Variants in EXOSC7 observed in about 807,000 individuals in gnomAD.
EXOSC7 encodes exosome component 7, also known as exosome complex component RRP42.
EXOSC7 carries 25 observed loss-of-function variants against 34.3 expected under a neutral mutation model. The observed-to-expected ratio is 0.73, with a 90% CI of 0.53 to 1.02. The LOEUF (loss-of-function observed/expected upper bound fraction) is 1.02, where lower values mean the gene tolerates loss of function less well. EXOSC7 is among the 50% of genes least tolerant of loss of function. The probability of loss-of-function intolerance (pLI) is 0.00; values close to 1 mark genes in which losing one functional copy is unlikely to be tolerated. For synonymous variants in EXOSC7, 130 were observed against 143.0 expected (o/e 0.91, Z 0.65); for missense variants, 370 against 368.5 (o/e 1.00, Z -0.03).
chr3:45,007,365 G>T, intron 6 of EXOSC7, 55 bp from the exon 7 acceptor site: 1 of 1,601,748 alleles, frequency 6.2e-7, no homozygotes, highest in Non-Finnish European at 8.5e-7. Flanking sequence ...GCCATCAGGG[G>T]TGGGACTCTG....
chr3:44,978,506 A>G (rs1706184902), intron 1 of EXOSC7, among the ~76,000 whole-genome samples: 2 of 152,208 alleles, frequency 1.3e-5, no homozygotes, highest in South Asian at 2.1e-4. Flanking sequence ...TCATGCTAGA[A>G]GGAAGATGCA....
intron 5 of EXOSC7, chr3:45,004,416 C>T (rs554886685): frequency 6.6e-6 from 1 of 152,140 alleles, no homozygotes; most frequent in African/African-American, 2.4e-5. Context: ...CCACCACACC[C>T]AGCTAATTTT....
In EXOSC7 at chr3:44,997,129, T is replaced by A; in HGVS notation, c.297T>A (p.Asp99Glu). Reference sequence around the variant, plus strand: ...CTGAATTTGAAGGTAGAGGAGGTGATGACCTTGGCACCGAGATCGCTAACA... The same window carrying A: ...CTGAATTTGAAGGTAGAGGAGGTGAAGACCTTGGCACCGAGATCGCTAACA... ...ATPEFEGRGG[D>E]DLGTEIANTL... Residue 99 changes from aspartate to glutamate, a missense_variant, in exon 4 of 8, where the codon GAT (aspartate) becomes GAA (glutamate). Asp to Glu is a conservative substitution (Grantham distance 45). This residue lies in a region of EXOSC7 where 255 missense variants were observed against 246.4 expected (regional missense o/e 1.03). Transcript: ENST00000265564. 3 of 1,614,170 alleles carry A rather than the reference T, an allele frequency of 1.9e-6. No homozygotes were observed. The highest frequency in any genetic ancestry group is 2.5e-6 in the Non-Finnish European group (3 of 1,180,026).
chr3:44,999,299 C>G (rs1706811434), intron 4 of EXOSC7, among the ~76,000 whole-genome samples: 1 of 152,168 alleles, frequency 6.6e-6, no homozygotes, highest in Non-Finnish European at 1.5e-5. Flanking sequence ...CATCTGTAGA[C>G]CTTTCTTTTT....
chr3:44,987,576 C>T (rs1238307766), intron 1 of EXOSC7, among the ~76,000 whole-genome samples: 1 of 152,170 alleles, frequency 6.6e-6, no homozygotes, highest in African/African-American at 2.4e-5. Flanking sequence ...AAAAAAGTTA[C>T]AAGTTACAAA....
Position 44,997,143 on chromosome 3 carries a change from A to G in EXOSC7, c.311A>G (p.Glu104Gly), listed in dbSNP as rs770413526. ...AGAGGAGGTGATGACCTTGGCACCG[A>G]GATCGCTAACACCCTCTATCGGATA... ...EGRGGDDLGT[E>G]IANTLYRIFN... is the part of the protein sequence containing the mutation. The change falls in exon 4 of 8, where the codon GAG becomes GGG. Residue 104 changes from glutamate (E) to glycine (G), a missense_variant. Glu to Gly is a moderately conservative substitution (Grantham distance 98). Around this residue, in one of 3 missense-constraint regions of EXOSC7, gnomAD observed 255 missense variants for 246.4 expected, o/e 1.03. Transcript: ENST00000265564. 1.9e-6 allele frequency: 3 copies of G among 1,613,822 alleles called. No individual in the cohort carries two copies. The highest frequency in any genetic ancestry group is 2.5e-6 in the Non-Finnish European group (3 of 1,179,912).
intron 4 of EXOSC7, among the ~76,000 whole-genome samples, chr3:44,998,913 G>C (rs1706800505): frequency 6.6e-6 from 1 of 152,182 alleles, no homozygotes; most frequent in Non-Finnish European, 1.5e-5. Flanking sequence ...TGCCCAGGGA[G>C]GTGCAGCCCC....
Position 44,989,613 on chromosome 3 carries a change from A to C in EXOSC7, c.223A>C (p.Asn75His). ...EMGTPKLEKP[N>H]EGYLEFFVDC... The stretch of plus-strand genomic sequence containing the variant: ...GGGGACGCCGAAGCTGGAGAAACCA[A>C]ATGAAGGCTACTTGGAGTTCTTTGT... The change falls in exon 3 of 8, where the codon AAT (asparagine) becomes CAT (histidine). Residue 75 changes from asparagine (N) to histidine (H), a missense_variant. This residue lies in a region of EXOSC7 where 20 missense variants were observed against 42.2 expected (regional missense o/e 0.47). Transcript: ENST00000265564. 1 of 1,614,012 alleles carries C rather than the reference A, an allele frequency of 6.2e-7. No individual in the cohort carries two copies. Among genetic ancestry groups the C allele is most frequent in the Non-Finnish European group, 8.5e-7 (1 of 1,179,904 alleles).
intron 4 of EXOSC7, 34 bp downstream of exon 4, chr3:44,997,286 A>G (rs776205307): frequency 3.2e-6 from 5 of 1,569,514 alleles, no homozygotes; most frequent in South Asian, 1.2e-5. Context: ...GCCACATTCT[A>G]CCTTTGTTGG....
At chr3:45,003,331 G>A (rs532583289) in intron 5 of EXOSC7, among the ~76,000 whole-genome samples, 31 of 41,664 alleles carry the variant, frequency 7.4e-4, no homozygotes, top group Middle Eastern at 0.011. Context: ...GATACTGTGC[G>A]TGCGTGCGTG....
intron 1 of EXOSC7, 54 bp from the exon 2 acceptor site, chr3:44,989,086 T>C (rs1706497344): frequency 8.9e-6 from 11 of 1,239,236 alleles, no homozygotes; most frequent in Admixed American, 1.7e-5. Context: ...TGAGTCCGTT[T>C]AGGAGTTATT....
chr3:44,992,742 G>A (rs1241196452), intron 3 of EXOSC7, among the ~76,000 whole-genome samples: 1 of 152,198 alleles, frequency 6.6e-6, no homozygotes, highest in Non-Finnish European at 1.5e-5. Flanking sequence ...AGATTTTAGT[G>A]AGCTGGTGTG....
At chr3:45,012,538 C>T (rs1697314956), downstream of EXOSC7, 1 of 152,254 alleles carries the variant, frequency 6.6e-6, no homozygotes, top group East Asian at 1.9e-4. Flanking sequence ...GTGTTCCCAA[C>T]AAGGCAGAAA....
intron 7 of EXOSC7, among the ~76,000 whole-genome samples, chr3:45,007,878 A>G (rs1450470239): frequency 6.6e-6 from 1 of 152,112 alleles, no homozygotes; most frequent in Non-Finnish European, 1.5e-5. Flanking sequence ...GTAAAGAGCC[A>G]CTCGTAACTC....
rs371487996 is a variant in EXOSC7 at position 45,005,299 on chromosome 3, G to A, written c.500G>A (p.Arg167Lys). The A allele has an allele frequency of 6.2e-7, 1 of 1,614,110 alleles. No individual in the cohort carries two copies. The highest frequency in any genetic ancestry group is 8.5e-7 in the Non-Finnish European group (1 of 1,180,012). The change falls in exon 6 of 8, where the codon AGG (arginine) becomes AAG (lysine). Residue 167 changes from arginine (R) to lysine (K), a missense_variant. By Grantham distance (26) the Arg-to-Lys change is conservative. This residue lies in a region of EXOSC7 where 255 missense variants were observed against 246.4 expected (regional missense o/e 1.03). Coordinates refer to ENST00000265564, the MANE Select transcript of EXOSC7 (RefSeq NM_015004.4). ...AGTGCTTCTGCTTCCAGGATACCAAGGGTTCGAGTTTTGGAGGATGAAGAG... is the reference window on the plus strand; with the variant it reads ...AGTGCTTCTGCTTCCAGGATACCAAAGGTTCGAGTTTTGGAGGATGAAGAG... ...KAALFNTRIP[R>K]VRVLEDEEGS...
At chr3:45,002,967 A>T (rs755842830) in intron 5 of EXOSC7, among the ~76,000 whole-genome samples, 1 of 151,872 alleles carries the variant, frequency 6.6e-6, no homozygotes, top group African/African-American at 2.4e-5. Context: ...CTCAGAAATG[A>T]CTCCCCATCT....
chr3:44,986,981 C>T (rs1706437108), intron 1 of EXOSC7, among the ~76,000 whole-genome samples: 1 of 151,170 alleles, frequency 6.6e-6, no homozygotes, highest in Non-Finnish European at 1.5e-5. Flanking sequence ...TCTGATTAAG[C>T]TAATGATTCT....
intron 3 of EXOSC7, among the ~76,000 whole-genome samples, chr3:44,996,606 T>G (rs1252895922): frequency 6.6e-6 from 1 of 152,186 alleles, no homozygotes; most frequent in African/African-American, 2.4e-5. Context: ...TGTACTTACA[T>G]TGTGGTTTTT....
rs532557834 is a variant in EXOSC7, at chr3:44,987,494, C to T, written c.58-1646C>T. ...GGCTGAGGCGGGAGAAGCGCTTGAACGCAGGTGGCGGAGGTTGCAGTGAGC... is the reference window on the plus strand; with the variant it reads ...GGCTGAGGCGGGAGAAGCGCTTGAATGCAGGTGGCGGAGGTTGCAGTGAGC... On this transcript the variant is annotated intron_variant, in intron 1 of 7. Transcript: ENST00000265564. 1.2e-3 allele frequency among the ~76,000 whole-genome samples: 185 copies of T among 152,332 alleles called. 1 individual carries two copies. Among genetic ancestry groups the T allele is most frequent in the African/African-American group, 4.0e-3 (167 of 41,568 alleles).
Sources: gnomAD v4.1 joint callset for allele counts (sites outside exome capture counted in the v4.1 genomes callset) on GRCh38, gnomAD v4.1.1 for gene constraint, gnomAD v4.1.1 regional missense constraint, MANE v1.5 for transcripts, NCBI Gene and HGNC (gene_info 2026-07-23, HGNC 2026-07-21) for gene names.